BANP: variants seen among roughly 807,000 people sequenced by gnomAD.
BANP encodes BTG3 associated nuclear protein.
A neutral mutation model predicts 68.1 loss-of-function variants in BANP; 11 were observed. The ratio of observed to expected loss-of-function variants is 0.16; its 90% confidence interval spans 0.10 to 0.27. BANP has a LOEUF of 0.27. Among genes scored for constraint, BANP ranks in the 10% least tolerant of loss-of-function variants. The pLI is 1.00. For synonymous variants in BANP, 329 were observed against 303.2 expected, an observed-to-expected ratio of 1.09 and a Z score of -0.88; for missense variants, 504 against 722.7, an observed-to-expected ratio of 0.70 and a Z score of 3.47.
intron 12 of BANP, 136 bp downstream of exon 12, chr16:88,065,468 C>A (rs1287155950): frequency 3.4e-6 from 2 of 588,302 alleles, no homozygotes; most frequent in Non-Finnish European, 3.0e-6. Flanking sequence ...ATCAGTTGAG[C>A]CACATCTGTG....
intron 1 of BANP, among the ~76,000 whole-genome samples, chr16:87,971,544 A>T (rs2061128029): frequency 1.3e-5 from 2 of 149,402 alleles, no homozygotes; most frequent in African/African-American, 4.9e-5. Flanking sequence ...TCTTTCCGTT[A>T]TAAGTCACCT....
At position 88,013,856 on chromosome 16, in the gene BANP, A is replaced by C. The variant is rs111779142; in HGVS notation, c.656-4572A>C. ...ACATGCCTGAAAATCTCTAGTACTTAGAGGAGTGAGGTGGGAGTGGTATTG... is the reference window on the plus strand; with the variant it reads ...ACATGCCTGAAAATCTCTAGTACTTCGAGGAGTGAGGTGGGAGTGGTATTG... On this transcript the variant is annotated intron_variant, in intron 6 of 13. Transcript: ENST00000682872. 4.1e-3 allele frequency among the ~76,000 whole-genome samples: 631 copies of C among 152,292 alleles called. 5 individuals are homozygous for C. Among genetic ancestry groups the C allele is most frequent in the African/African-American group, 0.014 (571 of 41,566 alleles).
chr16:88,069,327 A>C (rs1034741342), intron 12 of BANP, among the ~76,000 whole-genome samples: 3 of 152,316 alleles, frequency 2.0e-5, no homozygotes, highest in African/African-American at 7.2e-5. Context: ...TCCACTGACA[A>C]ATTCATTGTT....
intron 8 of BANP, among the ~76,000 whole-genome samples, chr16:88,031,849 G>T (rs1052375720): frequency 6.7e-6 from 1 of 148,480 alleles, no homozygotes; most frequent in Non-Finnish European, 1.5e-5. Flanking sequence ...CTGTTGCCTG[G>T]AGCTGAGTGC....
At position 88,057,490 on chromosome 16, in the gene BANP, C is replaced by T. The variant is rs1211534749; in HGVS notation, c.1312-7777C>T. ...TGCGGTCCCCTCCACGTGTTCACCT[C>T]GTCAGAGTCAAGAAACGAGGAGTGA... On this transcript the variant is annotated intron_variant, in intron 11 of 13. Transcript: ENST00000682872. The surrounding 1 kb of genome is among the most constrained non-coding windows in gnomAD (Gnocchi z 4.6). Among the ~76,000 whole-genome samples, 2 of 152,012 alleles carry T rather than the reference C, an allele frequency of 1.3e-5. No homozygotes were observed. Among genetic ancestry groups the T allele is most frequent in the Admixed American group, 6.5e-5 (1 of 15,276 alleles).
At chr16:88,053,053 AC>A (rs1431104751) in intron 11 of BANP, among the ~76,000 whole-genome samples, 4 of 150,066 alleles carry the variant, frequency 2.7e-5, no homozygotes, top group African/African-American at 9.9e-5. Flanking sequence ...CATCACCATC[AC>A]CCCTGTCATC....
intron 6 of BANP, among the ~76,000 whole-genome samples, chr16:88,017,584 C>T (rs2074877422): frequency 6.6e-6 from 1 of 152,182 alleles, no homozygotes; most frequent in Non-Finnish European, 1.5e-5. Context: ...GAAGGGTCAG[C>T]TAGGAAGCTG....
At chr16:87,979,221 G>A (rs148382876) in intron 2 of BANP, among the ~76,000 whole-genome samples, 6 of 152,288 alleles carry the variant, frequency 3.9e-5, no homozygotes, top group East Asian at 1.9e-4. Context: ...TATGTAACAC[G>A]TCTGAGGGGA....
intron 11 of BANP, among the ~76,000 whole-genome samples, chr16:88,039,782 G>C (rs2080286745): frequency 7.0e-6 from 1 of 143,564 alleles, no homozygotes; most frequent in Non-Finnish European, 1.6e-5. Flanking sequence ...GGATTTCTCT[G>C]AACAAGACTC....
chr16:88,052,893 T>TATC (rs1408042035), intron 11 of BANP, among the ~76,000 whole-genome samples: 1 of 149,298 alleles, frequency 6.7e-6, no homozygotes, highest in Non-Finnish European at 1.5e-5. Flanking sequence ...CCTTCTTCAC[T>TATC]ATCATCTCCA....
chr16:88,044,247 G>A (rs2081445805), intron 11 of BANP, among the ~76,000 whole-genome samples: 1 of 152,234 alleles, frequency 6.6e-6, no homozygotes, highest in Non-Finnish European at 1.5e-5. Context: ...GCCACAGCAG[G>A]AAGCAGCTTT....
intron 12 of BANP, among the ~76,000 whole-genome samples, chr16:88,066,553 T>C (rs1296146772): frequency 6.6e-6 from 1 of 152,190 alleles, no homozygotes; most frequent in African/African-American, 2.4e-5. Flanking sequence ...TCCTTTTGCC[T>C]AAAATTCTGT....
chr16:88,076,895 G>A lies in BANP; in HGVS notation c.*234G>A. On this transcript the variant is annotated 3_prime_UTR_variant, in exon 14 of 14. Transcript: ENST00000682872. ...CCTGCTGTTGGTGTCGGAGCACGAG[G>A]GGAGGCACGGTGCGGAGAGCGTCGC... is the stretch of plus-strand genomic sequence containing the variant. 1 of 534,522 alleles carries A rather than the reference G, an allele frequency of 1.9e-6. No individual in the cohort carries two copies. Among genetic ancestry groups the A allele is most frequent in the Non-Finnish European group, 3.3e-6 (1 of 302,938 alleles). The allele number at this position is 534,522 out of a possible 1,614,324, so 33.1% of individuals were successfully genotyped here.
At chr16:87,972,152 G>T (rs1190831428) in intron 1 of BANP, among the ~76,000 whole-genome samples, 2 of 152,010 alleles carry the variant, frequency 1.3e-5, no homozygotes, top group Non-Finnish European at 2.9e-5. Context: ...CCTGTCTTAT[G>T]TGCTACTTTT....
At chr16:88,000,131 C>T (rs2068766594) in intron 4 of BANP, among the ~76,000 whole-genome samples, 1 of 24,704 alleles carries the variant, frequency 4.0e-5, no homozygotes, top group African/African-American at 2.3e-4. Flanking sequence ...TCTCCATGCA[C>T]GCACGTGCGC....
chr16:88,049,474 G>C (rs1014742236), intron 11 of BANP, among the ~76,000 whole-genome samples: 3 of 152,058 alleles, frequency 2.0e-5, no homozygotes, highest in Non-Finnish European at 4.4e-5. Context: ...GGTTTTTATG[G>C]AAACTTCGTG....
chr16:88,065,797 G>A (rs1250094330), intron 12 of BANP, among the ~76,000 whole-genome samples: 6 of 152,138 alleles, frequency 3.9e-5, no homozygotes, highest in African/African-American at 1.4e-4. Flanking sequence ...TGCTTGCTCA[G>A]GTAGAGCACA....
chr16:88,057,877 G>A lies in BANP; in HGVS notation c.1312-7390G>A, dbSNP rs374921215. 9.5e-4 allele frequency among the ~76,000 whole-genome samples: 144 copies of A among 152,160 alleles called. No individual in the cohort carries two copies. The highest frequency in any genetic ancestry group is 3.3e-3 in the African/African-American group (135 of 41,510). ...GCGGGGCACGCAGCGAGCACTTTCC[G>A]GACAGTGCGGTGCGGGGCAGCGAGT... On this transcript the variant is annotated intron_variant, in intron 11 of 13. Coordinates refer to ENST00000682872, the MANE Select transcript of BANP (RefSeq NM_001386991.1). This position sits in a 1 kb window ranked among gnomAD's most constrained non-coding sequence, Gnocchi z 4.6.
At chr16:87,998,350 C>T (rs1175132148) in intron 4 of BANP, among the ~76,000 whole-genome samples, 1 of 152,248 alleles carries the variant, frequency 6.6e-6, no homozygotes, top group African/African-American at 2.4e-5. Flanking sequence ...ACTTTGGCCT[C>T]AGACCTAATT....
Sources: allele counts gnomAD v4.1 joint callset (sites outside exome capture counted in the v4.1 genomes callset), GRCh38; gene constraint gnomAD v4.1.1; non-coding constraint Gnocchi (gnomAD v3.1); transcripts MANE v1.5; gene names NCBI Gene and HGNC (gene_info 2026-07-23, HGNC 2026-07-21).